Variants in NALF1 observed in about 807,000 individuals in gnomAD.
NALF1 encodes the protein NALCN channel auxiliary factor 1, also known as family with sequence similarity 155 member A.
In NALF1, 3 loss-of-function variants were observed where a neutral mutation model predicts 48.4. The observed-to-expected ratio is 0.06, with a 90% confidence interval of 0.03 to 0.16. The LOEUF is 0.16. Among genes scored for constraint, NALF1 ranks in the 10% least tolerant of loss-of-function variants. The pLI, the probability that NALF1 is intolerant of heterozygous loss-of-function variation, is 1.00. For missense variants in NALF1, 526 were observed against 571.5 expected (o/e 0.92, Z 0.81); for synonymous variants, 262 against 245.7 (o/e 1.07, Z -0.62).
chr13:107,348,468 C>T (rs1882813598), intron 1 of NALF1, among the ~76,000 whole-genome samples: 1 of 152,018 alleles, frequency 6.6e-6, no homozygotes, highest in Admixed American at 6.6e-5. Flanking sequence ...GATACATGTG[C>T]AGAGTGTGCA....
At chr13:107,584,937 A>G (rs1206631498) in intron 1 of NALF1, among the ~76,000 whole-genome samples, 1 of 152,150 alleles carries the variant, frequency 6.6e-6, no homozygotes, top group Admixed American at 6.6e-5. Context: ...CTATTAGGCT[A>G]CTACTTCTTA....
chr13:107,201,455 T>C (rs952547854), intron 2 of NALF1, among the ~76,000 whole-genome samples: 2 of 152,088 alleles, frequency 1.3e-5, no homozygotes, highest in African/African-American at 2.4e-5. Flanking sequence ...CGGGCGCCTG[T>C]AGTCCCAGCT....
chr13:107,865,607 T>TAAA, intron 1 of NALF1, 75 bp downstream of exon 1: 1 of 1,523,494 alleles, frequency 6.6e-7, no homozygotes, highest in East Asian at 2.3e-5. Flanking sequence ...ATAATAATAA[T>TAAA]AAACTTGAGA....
chr13:107,537,114 AG>A (rs1453002846), intron 1 of NALF1, among the ~76,000 whole-genome samples: 3 of 152,140 alleles, frequency 2.0e-5, no homozygotes, highest in Non-Finnish European at 4.4e-5. Context: ...TAGCATTAGA[AG>A]ATATACCTAA....
intron 1 of NALF1, among the ~76,000 whole-genome samples, chr13:107,343,664 A>C (rs954875469): frequency 6.6e-6 from 1 of 152,178 alleles, no homozygotes; most frequent in East Asian, 1.9e-4. Flanking sequence ...CTAATAAAGA[A>C]ATTAAAAGAT....
At chr13:107,261,392 G>C (rs1482516960) in intron 1 of NALF1, among the ~76,000 whole-genome samples, 3 of 152,104 alleles carry the variant, frequency 2.0e-5, no homozygotes, top group Admixed American at 6.6e-5. Flanking sequence ...GATGAATGCT[G>C]TTGGCTGCGT....
intron 1 of NALF1, among the ~76,000 whole-genome samples, chr13:107,334,376 C>G (rs548608943): frequency 6.6e-6 from 1 of 152,312 alleles, no homozygotes; most frequent in East Asian, 1.9e-4. Flanking sequence ...AGCTCTTCAG[C>G]TCAACCCTCC....
At chr13:107,520,843 C>A (rs1876213182) in intron 1 of NALF1, among the ~76,000 whole-genome samples, 1 of 152,068 alleles carries the variant, frequency 6.6e-6, no homozygotes, top group Non-Finnish European at 1.5e-5. Flanking sequence ...ATGCCAAGCC[C>A]AGGGTAGACC....
At chr13:107,173,174 C>T (rs1878841253) in intron 2 of NALF1, among the ~76,000 whole-genome samples, 1 of 152,146 alleles carries the variant, frequency 6.6e-6, no homozygotes. Flanking sequence ...CTGAGAATAA[C>T]ATGTTTTATG....
intron 1 of NALF1, among the ~76,000 whole-genome samples, chr13:107,453,393 A>G (rs1381693297): frequency 6.6e-6 from 1 of 152,180 alleles, no homozygotes; most frequent in Non-Finnish European, 1.5e-5. Flanking sequence ...CTAACACCAC[A>G]TGGAAGCCAT....
At chr13:107,660,509 A>C (rs1451695737) in intron 1 of NALF1, among the ~76,000 whole-genome samples, 1 of 151,794 alleles carries the variant, frequency 6.6e-6, no homozygotes, top group African/African-American at 2.4e-5. Context: ...AAAACAAACA[A>C]AACAAATAAA....
chr13:107,228,721 G>A (rs1306007394), intron 1 of NALF1, among the ~76,000 whole-genome samples: 3 of 152,126 alleles, frequency 2.0e-5, no homozygotes, highest in Non-Finnish European at 2.9e-5. Context: ...CCGGGCTCAA[G>A]CGATTCTCCT....
intron 1 of NALF1, among the ~76,000 whole-genome samples, chr13:107,612,097 A>AGAGAGGGGT (rs1594160240): frequency 2.7e-5 from 1 of 37,070 alleles, no homozygotes; most frequent in African/African-American, 1.2e-4. Context: ...GAGAGAGGGG[A>AGAGAGGGGT]GGGGGAGGGA....
chr13:107,449,105 G>A lies in NALF1; in HGVS notation c.916-238350C>T, dbSNP rs145366841. 1.2e-3 allele frequency among the ~76,000 whole-genome samples: 182 copies of A among 152,298 alleles called. 8 individuals carry two copies. The East Asian group carries it at 0.026, about 22-fold the overall frequency. Reference sequence around the variant, plus strand: ...CTAAAAATACAAAAATTAGCTGGGCGTGATGGTGGGCACCTATAATCCCAG... The same window carrying A: ...CTAAAAATACAAAAATTAGCTGGGCATGATGGTGGGCACCTATAATCCCAG... On this transcript the variant is annotated intron_variant, in intron 1 of 2. Transcript: ENST00000375915.
chr13:107,800,387 T>C (rs938895187), intron 1 of NALF1, among the ~76,000 whole-genome samples: 4 of 151,886 alleles, frequency 2.6e-5, no homozygotes, highest in African/African-American at 4.8e-5. Context: ...TCTGTCATGA[T>C]TTACACTCAT....
At chr13:107,779,930 G>A (rs949846735) in intron 1 of NALF1, among the ~76,000 whole-genome samples, 3 of 151,974 alleles carry the variant, frequency 2.0e-5, no homozygotes, top group Non-Finnish European at 4.4e-5. Context: ...CTGGTCTTAA[G>A]CCATTTGGAA....
intron 2 of NALF1, among the ~76,000 whole-genome samples, chr13:107,186,230 ATCCCACACAG>A (rs776331679): frequency 5.9e-5 from 9 of 152,148 alleles, no homozygotes; most frequent in Non-Finnish European, 1.2e-4. Context: ...GCTGTAATGT[ATCCCACACAG>A]ATGAGAGGGG....
At chr13:107,401,762 G>A (rs984831377) in intron 1 of NALF1, among the ~76,000 whole-genome samples, 2 of 151,898 alleles carry the variant, frequency 1.3e-5, no homozygotes, top group African/African-American at 2.4e-5. Flanking sequence ...ATGGCACGTG[G>A]TTGCACATAT....
intron 1 of NALF1, among the ~76,000 whole-genome samples, chr13:107,469,795 G>A (rs868119967): frequency 2.9e-5 from 4 of 139,320 alleles, no homozygotes; most frequent in South Asian, 2.3e-4. Context: ...CCAGGCTGGA[G>A]TGCAGTGGTG....
Sources: gnomAD v4.1 joint callset for allele counts (sites outside exome capture counted in the v4.1 genomes callset) on GRCh38, gnomAD v4.1.1 for gene constraint, MANE v1.5 for transcripts, NCBI Gene and HGNC (gene_info 2026-07-23, HGNC 2026-07-21) for gene names.